Variants in SGPL1 observed in about 807,000 individuals in gnomAD.
SGPL1 encodes sphingosine-1-phosphate lyase 1.
Under a neutral mutation model 68.9 loss-of-function variants are expected in SGPL1, and 37 were observed. That is an observed-to-expected ratio of 0.54 (90% CI 0.41 to 0.71). The LOEUF is 0.71. SGPL1 is among the 30% of genes least tolerant of loss of function. The probability of loss-of-function intolerance (pLI) is 0.00; values close to 1 mark genes in which losing one functional copy is unlikely to be tolerated. For missense variants in SGPL1, 551 were observed against 704.6 expected, an observed-to-expected ratio of 0.78 and a Z score of 2.47; for synonymous variants, 236 against 248.5, an observed-to-expected ratio of 0.95 and a Z score of 0.47.
intron 7 of SGPL1, among the ~76,000 whole-genome samples, chr10:70,865,511 T>G (rs1846169278): frequency 6.6e-6 from 1 of 152,218 alleles, no homozygotes; most frequent in Non-Finnish European, 1.5e-5. Flanking sequence ...AGCACTGGTA[T>G]TGTCTTTTTC....
chr10:70,875,765 C>G (rs1206015735), intron 13 of SGPL1, among the ~76,000 whole-genome samples: 1 of 152,198 alleles, frequency 6.6e-6, no homozygotes, highest in Non-Finnish European at 1.5e-5. Context: ...TGACAGCCTC[C>G]TAGACCAGTG....
intron 4 of SGPL1, 141 bp from the exon 5 acceptor site, chr10:70,854,566 TC>T (rs1285275984): frequency 2.4e-5 from 16 of 662,100 alleles, no homozygotes; most frequent in Non-Finnish European, 4.0e-5. Context: ...AGTCAGAATA[TC>T]ACCATATATC....
In SGPL1 at chr10:70,873,462, A is replaced by G. The variant is rs983929523; in HGVS notation, c.1171A>G (p.Thr391Ala). ...GCAGGGTGGCATCTATGCTTCCCCAACCATCGCAGGCTCACGGCCTGGTGG... is the reference window on the plus strand; with the variant it reads ...GCAGGGTGGCATCTATGCTTCCCCAGCCATCGCAGGCTCACGGCCTGGTGG... Reference protein sequence around the residue: ...DWQGGIYASPTIAGSRPGGIS... With the variant: ...DWQGGIYASPAIAGSRPGGIS... The change falls in exon 12 of 15, where the codon ACC becomes GCC. Residue 391 changes from threonine to alanine, a missense_variant. Transcript: ENST00000373202. The G allele has an allele frequency of 8.7e-6, 14 of 1,614,120 alleles. No individual in the cohort carries two copies. The highest frequency in any genetic ancestry group is 1.3e-5 in the African/African-American group (1 of 74,960).
chr10:70,870,010 C>G (rs1589474618), intron 9 of SGPL1, 113 bp downstream of exon 9: 1 of 735,048 alleles, frequency 1.4e-6, no homozygotes, highest in Non-Finnish European at 2.3e-6. Context: ...ATTGTGGCAG[C>G]CAGAATATGA....
At chr10:70,837,805 TAGA>T (rs1263303010) in intron 2 of SGPL1, among the ~76,000 whole-genome samples, 1 of 152,150 alleles carries the variant, frequency 6.6e-6, no homozygotes, top group Admixed American at 6.5e-5. Flanking sequence ...TTATAAACAA[TAGA>T]AGTTTATTTG....
chr10:70,851,898 C>T (rs1845888190), intron 4 of SGPL1, among the ~76,000 whole-genome samples: 1 of 152,144 alleles, frequency 6.6e-6, no homozygotes, highest in African/African-American at 2.4e-5. Flanking sequence ...GTTTGCTGAT[C>T]CCAAGTTGCA....
At chr10:70,864,182 T>G (rs11597788) in intron 7 of SGPL1, among the ~76,000 whole-genome samples, 29,566 of 152,110 alleles carry the variant, frequency 0.19, 3,107 homozygotes, top group Non-Finnish European at 0.23. Flanking sequence ...TTTTCCATGT[T>G]ACAGACCTTC....
At chr10:70,854,615 C>G in intron 4 of SGPL1, 93 bp from the exon 5 acceptor site, 2 of 1,067,456 alleles carry the variant, frequency 1.9e-6, no homozygotes, top group Non-Finnish European at 2.7e-6. Flanking sequence ...TGTGCGGTGC[C>G]TAGCATTGAG....
intron 5 of SGPL1, among the ~76,000 whole-genome samples, chr10:70,855,824 C>T (rs138189131): frequency 3.5e-4 from 53 of 152,144 alleles, no homozygotes; most frequent in East Asian, 7.7e-4. Flanking sequence ...AACCATGGTA[C>T]GTTTATCAAA....
intron 3 of SGPL1, among the ~76,000 whole-genome samples, chr10:70,848,609 C>T (rs1031999477): frequency 1.3e-5 from 2 of 151,780 alleles, no homozygotes; most frequent in African/African-American, 4.8e-5. Context: ...GGATTACAGG[C>T]GCGTGCCATC....
At position 70,878,991 on chromosome 10, in the gene SGPL1, C is replaced by T. The variant is rs1466378362; in HGVS notation, c.*1656C>T. On this transcript the variant is annotated 3_prime_UTR_variant, in exon 15 of 15. Transcript: ENST00000373202. ...CCTGCCTTCTTTCCCCTATAGGGAA[C>T]TCTGTAGGCTGAGCCACTGTCCTGC... is the stretch of plus-strand genomic sequence containing the variant. 6.5e-6 allele frequency: 1 copy of T among 152,738 alleles called. No individual in the cohort carries two copies. Among genetic ancestry groups the T allele is most frequent in the African/African-American group, 2.4e-5 (1 of 41,458 alleles). 9.5% of individuals were successfully genotyped at this position (152,738 alleles called of 1,614,324 possible). A position where few individuals can be genotyped will look rare whatever the true frequency, so the allele number is the denominator to read the frequency against.
Position 70,879,429 on chromosome 10 carries a change from T to C in SGPL1, c.*2094T>C, listed in dbSNP as rs537252820. 2 of 152,918 alleles carry C rather than the reference T, an allele frequency of 1.3e-5. No individual in the cohort carries two copies. Among genetic ancestry groups the C allele is most frequent in the East Asian group, 3.9e-4 (2 of 5,184 alleles). 9.5% of individuals were successfully genotyped at this position (152,918 alleles called of 1,614,324 possible). On this transcript the variant is annotated 3_prime_UTR_variant, in exon 15 of 15. Coordinates refer to ENST00000373202, the MANE Select transcript of SGPL1 (RefSeq NM_003901.4). ...TTTTTCCTGTTTGCCCAGCAGTGCATTGTGGGTTCCAAGAGTGGGTAGTGT... is the reference window on the plus strand; with the variant it reads ...TTTTTCCTGTTTGCCCAGCAGTGCACTGTGGGTTCCAAGAGTGGGTAGTGT...
In SGPL1 at chr10:70,832,858, G is replaced by A. The variant is rs191663586; in HGVS notation, c.28-11615G>A. On this transcript the variant is annotated intron_variant, in intron 2 of 14. Transcript: ENST00000373202. ...TGCTCTTATCTCTGTGTCCTTCAGT[G>A]TGTTCCTCTGCTTATTGAATTCAGT... Among the ~76,000 whole-genome samples, 3 of 152,238 alleles carry A rather than the reference G, an allele frequency of 2.0e-5. No homozygotes were observed. The East Asian group carries it at 5.8e-4, about 29-fold the overall frequency.
intron 3 of SGPL1, among the ~76,000 whole-genome samples, chr10:70,846,826 G>T (rs1463089404): frequency 6.6e-6 from 1 of 152,140 alleles, no homozygotes; most frequent in East Asian, 1.9e-4. Flanking sequence ...CATATGTTTT[G>T]AAATATGTAT....
At chr10:70,826,829 A>G (rs1473637345) in intron 2 of SGPL1, among the ~76,000 whole-genome samples, 1 of 152,192 alleles carries the variant, frequency 6.6e-6, no homozygotes, top group African/African-American at 2.4e-5. Flanking sequence ...CTCAGTATTC[A>G]TGCGATCCAT....
At chr10:70,865,212 CT>C (rs199971329) in intron 7 of SGPL1, among the ~76,000 whole-genome samples, 169 of 146,652 alleles carry the variant, frequency 1.2e-3, no homozygotes, top group East Asian at 3.6e-3. Context: ...TTCACTGTTT[CT>C]TTTTTTTTTT....
chr10:70,861,612 C>T (rs370811053), intron 7 of SGPL1, among the ~76,000 whole-genome samples: 121 of 152,314 alleles, frequency 7.9e-4, no homozygotes, highest in African/African-American at 2.8e-3. Flanking sequence ...AGGTCGGAGC[C>T]GGCTCCCTCA....
intron 5 of SGPL1, among the ~76,000 whole-genome samples, chr10:70,855,409 C>T (rs1237582459): frequency 6.6e-6 from 1 of 152,204 alleles, no homozygotes; most frequent in African/African-American, 2.4e-5. Context: ...GACCAAATAG[C>T]TTGGTGCTTA....
rs527820244 is a variant in SGPL1, at chr10:70,833,107, G to C, written c.28-11366G>C. 3.3e-5 allele frequency among the ~76,000 whole-genome samples: 5 copies of C among 152,276 alleles called. No individual in the cohort carries two copies. The South Asian group carries it at 1.0e-3, about 32-fold the overall frequency. ...TGTGGTTTTCCATGAGTGCACTTCTGATGACTTGGGAACATTTCATATGTG... is the reference window on the plus strand; with the variant it reads ...TGTGGTTTTCCATGAGTGCACTTCTCATGACTTGGGAACATTTCATATGTG... On this transcript the variant is annotated intron_variant, in intron 2 of 14. Coordinates refer to ENST00000373202, the MANE Select transcript of SGPL1 (RefSeq NM_003901.4).
Sources: allele counts gnomAD v4.1 joint callset (sites outside exome capture counted in the v4.1 genomes callset), GRCh38; gene constraint gnomAD v4.1.1; transcripts MANE v1.5; gene names NCBI Gene and HGNC (gene_info 2026-07-23, HGNC 2026-07-21).